The following UVRAG variants were observed in gnomAD, a reference collection of about 807,000 sequenced individuals.
The protein encoded by UVRAG is UV radiation resistance associated.
Under a neutral mutation model 78.0 loss-of-function variants are expected in UVRAG, and 19 were observed. The ratio of observed to expected loss-of-function variants is 0.24; its 90% CI spans 0.17 to 0.36. The LOEUF is 0.36. UVRAG is among the 10% of genes least tolerant of loss of function. The pLI is 1.00. For synonymous variants in UVRAG, 323 were observed against 324.6 expected, an observed-to-expected ratio of 1.00 and a Z score of 0.05; for missense variants, 740 against 853.8, an observed-to-expected ratio of 0.87 and a Z score of 1.66.
intron 13 of UVRAG, among the ~76,000 whole-genome samples, chr11:76,104,367 C>G (rs748317434): frequency 1.3e-5 from 2 of 152,120 alleles, no homozygotes; most frequent in Non-Finnish European, 2.9e-5. Context: ...ATTCAAAGTG[C>G]CTGAATTCAG....
At chr11:76,055,895 G>T (rs1029453155) in intron 12 of UVRAG, among the ~76,000 whole-genome samples, 6 of 152,132 alleles carry the variant, frequency 3.9e-5, no homozygotes, top group Admixed American at 2.6e-4. Context: ...ATTTTTAGTA[G>T]AGATGGGGTT....
At chr11:75,999,200 T>C (rs1489479920) in intron 8 of UVRAG, among the ~76,000 whole-genome samples, 1 of 140,072 alleles carries the variant, frequency 7.1e-6, no homozygotes, top group Non-Finnish European at 1.5e-5. Flanking sequence ...ACCACTACAC[T>C]CCAGCCTGGG....
At chr11:75,835,237 G>C (rs544569549) in intron 1 of UVRAG, 4 of 152,208 alleles carry the variant, frequency 2.6e-5, no homozygotes, top group Non-Finnish European at 5.9e-5. Context: ...AAGTGTAGTA[G>C]TGAGAAGCGG....
intron 13 of UVRAG, among the ~76,000 whole-genome samples, chr11:76,088,621 C>T (rs1233083364): frequency 6.6e-6 from 1 of 152,046 alleles, no homozygotes; most frequent in African/African-American, 2.4e-5. Context: ...CGCCACTGGC[C>T]CTTTATGCCA....
intron 1 of UVRAG, among the ~76,000 whole-genome samples, chr11:75,848,518 C>T (rs1484350632): frequency 6.6e-6 from 1 of 152,108 alleles, no homozygotes; most frequent in Non-Finnish European, 1.5e-5. Flanking sequence ...TGGAGGTGGT[C>T]GTGCTAATTT....
chr11:75,989,526 T>C (rs1949565837), intron 8 of UVRAG, among the ~76,000 whole-genome samples: 1 of 152,248 alleles, frequency 6.6e-6, no homozygotes, highest in African/African-American at 2.4e-5. Context: ...TATAATTTTG[T>C]ATGACTTTCT....
chr11:75,957,863 G>T (rs1056655913), intron 6 of UVRAG, among the ~76,000 whole-genome samples: 1 of 152,108 alleles, frequency 6.6e-6, no homozygotes, highest in African/African-American at 2.4e-5. Context: ...AGATACTGAG[G>T]ATTTGGTTCC....
intron 13 of UVRAG, among the ~76,000 whole-genome samples, chr11:76,094,350 T>TA (rs1325826659): frequency 6.6e-6 from 1 of 152,236 alleles, no homozygotes; most frequent in Non-Finnish European, 1.5e-5. Context: ...CAGGCTTTGC[T>TA]ATCAGGATGA....
chr11:75,984,200 A>G (rs1006106204), intron 8 of UVRAG, among the ~76,000 whole-genome samples: 10 of 152,222 alleles, frequency 6.6e-5, no homozygotes, highest in African/African-American at 2.2e-4. Flanking sequence ...AGGCAGTGAC[A>G]GTGAGCTGCA....
chr11:75,932,625 A>T (rs922555124), intron 6 of UVRAG, among the ~76,000 whole-genome samples: 46 of 152,172 alleles, frequency 3.0e-4, no homozygotes, highest in African/African-American at 1.1e-3. Context: ...CTCAAGACTC[A>T]ACCAAAAAAC....
intron 1 of UVRAG, among the ~76,000 whole-genome samples, chr11:75,851,491 T>C (rs964782630): frequency 1.3e-5 from 2 of 152,230 alleles, no homozygotes; most frequent in Admixed American, 6.5e-5. Context: ...ATGTGTTAAC[T>C]GGTGATTATC....
At chr11:75,901,890 T>A (rs941654483) in intron 5 of UVRAG, among the ~76,000 whole-genome samples, 1 of 151,816 alleles carries the variant, frequency 6.6e-6, no homozygotes, top group African/African-American at 2.4e-5. Flanking sequence ...GTGATATACC[T>A]CTTAAGTCCA....
intron 5 of UVRAG, among the ~76,000 whole-genome samples, chr11:75,898,230 T>G (rs545244388): frequency 1.1e-4 from 17 of 152,288 alleles, no homozygotes; most frequent in African/African-American, 4.1e-4. Flanking sequence ...TATAACAACC[T>G]TAGAGGAAGG....
chr11:75,988,349 A>G (rs576349422), intron 8 of UVRAG, among the ~76,000 whole-genome samples: 1 of 152,332 alleles, frequency 6.6e-6, no homozygotes, highest in African/African-American at 2.4e-5. Context: ...AGCATTTCAT[A>G]TGAATGGAAT....
intron 3 of UVRAG, among the ~76,000 whole-genome samples, chr11:75,868,369 CAGAG>C (rs769327128): frequency 6.6e-6 from 1 of 152,096 alleles, no homozygotes; most frequent in African/African-American, 2.4e-5. Flanking sequence ...GCACATAAGA[CAGAG>C]AGACAGGTGC....
At chr11:76,026,912 G>A (rs1054832808) in intron 12 of UVRAG, among the ~76,000 whole-genome samples, 1 of 151,880 alleles carries the variant, frequency 6.6e-6, no homozygotes, top group Non-Finnish European at 1.5e-5. Flanking sequence ...TTTCCCAAAT[G>A]TCTGTAGTCC....
chr11:76,038,162 G>T (rs2135413130), intron 12 of UVRAG, among the ~76,000 whole-genome samples: 1 of 152,150 alleles, frequency 6.6e-6, no homozygotes, highest in East Asian at 1.9e-4. Flanking sequence ...CTTTCATACA[G>T]TAAGAAATAA....
intron 6 of UVRAG, among the ~76,000 whole-genome samples, chr11:75,917,660 T>C (rs569695197): frequency 6.6e-6 from 1 of 152,340 alleles, no homozygotes; most frequent in Admixed American, 6.5e-5. Flanking sequence ...CCAAAGTGTC[T>C]GGAGCCACAC....
chr11:76,118,128 A>G (rs1441365251), intron 14 of UVRAG, among the ~76,000 whole-genome samples: 1 of 152,208 alleles, frequency 6.6e-6, no homozygotes, highest in Non-Finnish European at 1.5e-5. Context: ...TTTTCTTCAT[A>G]AAAGTCTATG....
Sources: allele counts gnomAD v4.1 joint callset (sites outside exome capture counted in the v4.1 genomes callset), GRCh38; gene constraint gnomAD v4.1.1; transcripts MANE v1.5; gene names NCBI Gene and HGNC (gene_info 2026-07-23, HGNC 2026-07-21).